The following KLF12 variants were observed in gnomAD, a reference collection of about 807,000 sequenced individuals.
KLF12 encodes the protein KLF transcription factor 12.
In KLF12, 9 loss-of-function variants were observed where a neutral mutation model predicts 37.8. The observed-to-expected ratio is 0.24, with a 90% CI of 0.14 to 0.42. The LOEUF (loss-of-function observed/expected upper bound fraction) is 0.42. Among genes scored for constraint, KLF12 ranks in the 10% least tolerant of loss-of-function variants. KLF12 has a pLI of 1.00. For missense variants in KLF12, 411 were observed against 516.0 expected, an observed-to-expected ratio of 0.80 and a Z score of 1.97; for synonymous variants, 208 against 202.1, an observed-to-expected ratio of 1.03 and a Z score of -0.25.
chr13:74,060,498 G>GTGTGTGTC (rs1555336664), intron 1 of KLF12, among the ~76,000 whole-genome samples: 18 of 145,830 alleles, frequency 1.2e-4, no homozygotes, highest in African/African-American at 4.2e-4. Context: ...GTGTGTGTGT[G>GTGTGTGTC]TGTGTGTGTG....
chr13:74,181,081 C>T, the KLF12 span, among the ~76,000 whole-genome samples: 1 of 152,092 alleles, frequency 6.6e-6, no homozygotes, highest in South Asian at 2.1e-4. Flanking sequence ...TCACTGCAAC[C>T]TCCCTCTCCC....
At chr13:74,148,853 C>T in the KLF12 span, among the ~76,000 whole-genome samples, 1 of 151,708 alleles carries the variant, frequency 6.6e-6, no homozygotes, top group Admixed American at 6.6e-5. Context: ...CTCACTCTGT[C>T]ACCCAGGCTG....
chr13:74,216,204 ACT>A, the KLF12 span, among the ~76,000 whole-genome samples: 1 of 151,928 alleles, frequency 6.6e-6, no homozygotes. Flanking sequence ...AGTCCTTGCC[ACT>A]CTCTTTTTGT....
intron 3 of KLF12, among the ~76,000 whole-genome samples, chr13:73,852,239 C>T (rs1276626864): frequency 6.6e-6 from 1 of 152,118 alleles, no homozygotes. Flanking sequence ...AACTCTTAAA[C>T]ATAAATGCCG....
intron 6 of KLF12, among the ~76,000 whole-genome samples, chr13:73,720,104 C>G (rs1471958388): frequency 6.6e-6 from 1 of 152,088 alleles, no homozygotes; most frequent in Non-Finnish European, 1.5e-5. Context: ...TAACAAAAGT[C>G]TTTCTTTTGA....
At chr13:74,067,302 T>C (rs1873972900) in intron 1 of KLF12, among the ~76,000 whole-genome samples, 1 of 152,224 alleles carries the variant, frequency 6.6e-6, no homozygotes. Flanking sequence ...CTCTATGAAG[T>C]ATTAAAAATA....
chr13:73,957,046 GA>G (rs1297398610), intron 2 of KLF12, among the ~76,000 whole-genome samples: 1 of 49,592 alleles, frequency 2.0e-5, no homozygotes, highest in South Asian at 9.8e-4. Context: ...GAAAGGAAAG[GA>G]AAGGAAAGGA....
At chr13:73,713,446 A>T (rs1181293292) in intron 7 of KLF12, among the ~76,000 whole-genome samples, 1 of 152,194 alleles carries the variant, frequency 6.6e-6, no homozygotes, top group Non-Finnish European at 1.5e-5. Flanking sequence ...TTAATAACAA[A>T]TTTTTTAAAA....
chr13:74,132,502 CAGTGGAATTATCTAAAACA>C (rs541084275), intron 1 of KLF12, among the ~76,000 whole-genome samples: 1 of 152,240 alleles, frequency 6.6e-6, no homozygotes, highest in East Asian at 1.9e-4. Context: ...TTCCATTAGC[CAGTGGAATTATCTAAAACA>C]ATCCATACAG....
intron 2 of KLF12, among the ~76,000 whole-genome samples, chr13:73,972,230 T>G (rs537858072): frequency 2.0e-5 from 3 of 152,294 alleles, no homozygotes; most frequent in South Asian, 4.1e-4. Flanking sequence ...GAGTTTTGAT[T>G]CAGCAGAATA....
chr13:74,027,812 A>G (rs985926169), intron 1 of KLF12, among the ~76,000 whole-genome samples: 2 of 152,200 alleles, frequency 1.3e-5, no homozygotes, highest in African/African-American at 4.8e-5. Flanking sequence ...GACCATACAC[A>G]TTCTTCACAT....
intron 5 of KLF12, among the ~76,000 whole-genome samples, chr13:73,796,939 C>A (rs183607865): frequency 1.6e-4 from 24 of 152,160 alleles, no homozygotes; most frequent in African/African-American, 5.3e-4. Context: ...AAAAAAAGAA[C>A]ACGATTCCAT....
At chr13:73,888,891 G>A (rs1213633680) in intron 3 of KLF12, among the ~76,000 whole-genome samples, 30 of 152,156 alleles carry the variant, frequency 2.0e-4, no homozygotes, top group Admixed American at 2.0e-3. Context: ...AGTCACTTAA[G>A]TCACTCCACT....
the KLF12 span, among the ~76,000 whole-genome samples, chr13:74,302,993 G>A: frequency 7.9e-5 from 12 of 151,884 alleles, no homozygotes; most frequent in Middle Eastern, 3.4e-3. Context: ...CCTTTCAATC[G>A]TTCCCTATTT....
chr13:73,874,862 G>T (rs1466186399), intron 3 of KLF12, among the ~76,000 whole-genome samples: 1 of 151,676 alleles, frequency 6.6e-6, no homozygotes, highest in Non-Finnish European at 1.5e-5. Context: ...TTTTGGATTA[G>T]ATATTAACCA....
intron 6 of KLF12, among the ~76,000 whole-genome samples, chr13:73,741,897 CG>C (rs1047731674): frequency 6.6e-6 from 1 of 152,136 alleles, no homozygotes; most frequent in Non-Finnish European, 1.5e-5. Flanking sequence ...GCACTAAGCT[CG>C]GGGGATGCAG....
chr13:73,937,292 A>G (rs939997807), intron 3 of KLF12, among the ~76,000 whole-genome samples: 1 of 152,224 alleles, frequency 6.6e-6, no homozygotes, highest in African/African-American at 2.4e-5. Context: ...TACAGAGAAA[A>G]CACGCTTGAT....
chr13:73,868,455 A>T (rs1309265773), intron 3 of KLF12, among the ~76,000 whole-genome samples: 2 of 151,644 alleles, frequency 1.3e-5, no homozygotes, highest in Non-Finnish European at 2.9e-5. Flanking sequence ...CAGTGGCACA[A>T]TCTCAGCTCA....
intron 6 of KLF12, among the ~76,000 whole-genome samples, chr13:73,751,344 T>C (rs1729887992): frequency 6.6e-6 from 1 of 152,188 alleles, no homozygotes; most frequent in African/African-American, 2.4e-5. Flanking sequence ...GCTGTATTAA[T>C]TTACATTCCC....
Sources: gnomAD v4.1 joint callset for allele counts (sites outside exome capture counted in the v4.1 genomes callset) on GRCh38, gnomAD v4.1.1 for gene constraint, MANE v1.5 for transcripts, NCBI Gene and HGNC (gene_info 2026-07-23, HGNC 2026-07-21) for gene names.